SHBG: variants seen among roughly 807,000 people sequenced by gnomAD.
SHBG encodes the protein sex hormone-binding globulin.
SHBG carries 37 observed loss-of-function variants against 41.9 expected under a neutral mutation model. The ratio of observed to expected loss-of-function variants is 0.88; its 90% confidence interval spans 0.68 to 1.16. The LOEUF (loss-of-function observed/expected upper bound fraction) is 1.16. Among genes scored for constraint, SHBG ranks in the 50% most tolerant of loss-of-function variants. The probability of loss-of-function intolerance (pLI) is 0.00; values close to 1 mark genes in which losing one functional copy is unlikely to be tolerated. For missense variants in SHBG, 466 were observed against 499.9 expected, an observed-to-expected ratio of 0.93 and a Z score of 0.65; for synonymous variants, 217 against 205.8, an observed-to-expected ratio of 1.05 and a Z score of -0.47.
chr17:7,632,992 C>T lies in SHBG; in HGVS notation c.1060+33C>T, dbSNP rs761575211. 25 of 1,588,330 alleles carry T rather than the reference C, an allele frequency of 1.6e-5. No homozygotes were observed. The South Asian group carries it at 2.7e-4, about 17-fold the overall frequency. On this transcript the variant is annotated intron_variant, in intron 7 of 7. Transcript: ENST00000380450. Reference sequence around the variant, plus strand: ...AGAATGATGTTCAAGTTCATGAGCACAACATTGGAAACAGCTCAAGGGAGG... The same window carrying T: ...AGAATGATGTTCAAGTTCATGAGCATAACATTGGAAACAGCTCAAGGGAGG...
At chr17:7,628,943 C>G (rs2072311880), upstream of SHBG, among the ~76,000 whole-genome samples, 1 of 152,122 alleles carries the variant, frequency 6.6e-6, no homozygotes, top group Non-Finnish European at 1.5e-5. Context: ...TTACTCCCAG[C>G]TACTCGGGAG....
chr17:7,615,896 G>A lies in SHBG; in HGVS notation c.-62+1785G>A, dbSNP rs60398796. Among the ~76,000 whole-genome samples, 9 of 151,912 alleles carry A rather than the reference G, an allele frequency of 5.9e-5. No individual in the cohort carries two copies. The South Asian group carries it at 1.2e-3, about 21-fold the overall frequency. On this transcript the variant is annotated intron_variant, in intron 1 of 5. Coordinates refer to the SHBG transcript ENST00000570547. ...GCTTTAAGAATAGTTTCAGACGGGC[G>A]CTGTGGCTCACTCCTGTAATCCCAG...
chr17:7,632,026 A>G lies in SHBG; in HGVS notation c.852+11A>G. ...CACCTCCAAGATCAAGTAAAGGGGG[A>G]CAGTGGGGCATTGCCTGTATTCAGT... On this transcript the variant is annotated intron_variant, in intron 6 of 7. Coordinates refer to ENST00000380450, the MANE Select transcript of SHBG (RefSeq NM_001040.5). 1 of 1,612,424 alleles carries G rather than the reference A, an allele frequency of 6.2e-7. No homozygotes were observed. Among genetic ancestry groups the G allele is most frequent in the Non-Finnish European group, 8.5e-7 (1 of 1,179,838 alleles).
At chr17:7,620,697 C>A (rs1268423292) in intron 1 of SHBG, among the ~76,000 whole-genome samples, 1 of 151,616 alleles carries the variant, frequency 6.6e-6, no homozygotes, top group African/African-American at 2.4e-5. Flanking sequence ...ATGGTGCAAT[C>A]TCGGCTCTCT....
At chr17:7,629,375 C>CTAAAATAAAATAAAA (rs58676803), upstream of SHBG, among the ~76,000 whole-genome samples, 848 of 146,378 alleles carry the variant, frequency 5.8e-3, 5 homozygotes, top group Non-Finnish European at 8.5e-3. Context: ...AAGACTCTGT[C>CTAAAATAAAATAAAA]TAAAATAAAA....
chr17:7,618,210 A>C (rs1006668019), intron 1 of SHBG, among the ~76,000 whole-genome samples: 41 of 151,932 alleles, frequency 2.7e-4, no homozygotes, highest in Middle Eastern at 3.4e-3. Context: ...GTGACAGAGA[A>C]AGATTCTGTC....
chr17:7,630,652 C>A lies in SHBG; in HGVS notation c.204-28C>A. 1 of 1,602,720 alleles carries A rather than the reference C, an allele frequency of 6.2e-7. No individual in the cohort carries two copies. Among genetic ancestry groups the A allele is most frequent in the Non-Finnish European group, 8.5e-7 (1 of 1,170,306 alleles). On this transcript the variant is annotated intron_variant, in intron 2 of 7. Coordinates refer to ENST00000380450, the MANE Select transcript of SHBG (RefSeq NM_001040.5). The surrounding 1 kb of genome is among the most constrained non-coding windows in gnomAD (Gnocchi z 4.6). ...TGGTTCTCAAAGGACACATGACATA[C>A]ACAATCTTTCCTTCTGTGTCCTTCC...
intron 1 of SHBG, chr17:7,614,627 G>A (rs943385238): frequency 1.4e-6 from 1 of 698,084 alleles, no homozygotes; most frequent in Non-Finnish European, 2.0e-6. Context: ...CGGAGGAGGA[G>A]CCGGAGGGGG....
At chr17:7,629,057 AAAAT>A (rs1156675472), upstream of SHBG, among the ~76,000 whole-genome samples, 2 of 151,760 alleles carry the variant, frequency 1.3e-5, no homozygotes, top group Non-Finnish European at 1.5e-5. Flanking sequence ...ACTCCATCTC[AAAAT>A]AAATAAATAA....
At chr17:7,622,133 C>T (rs968834961) in intron 1 of SHBG, among the ~76,000 whole-genome samples, 1 of 151,842 alleles carries the variant, frequency 6.6e-6, no homozygotes, top group African/African-American at 2.4e-5. Flanking sequence ...GTGTGAGCCA[C>T]TACGCCCAGC....
At chr17:7,618,341 G>A (rs867308931) in intron 1 of SHBG, among the ~76,000 whole-genome samples, 26 of 151,366 alleles carry the variant, frequency 1.7e-4, no homozygotes, top group Admixed American at 3.9e-4. Context: ...GTATGATCTC[G>A]GCTCACTGCA....
intron 1 of SHBG, among the ~76,000 whole-genome samples, chr17:7,621,681 T>G (rs1278327196): frequency 7.8e-6 from 1 of 128,102 alleles, no homozygotes; most frequent in Non-Finnish European, 1.7e-5. Context: ...AATAATAAAA[T>G]AAAGTACATA....
chr17:7,618,267 A>G (rs552956034), intron 1 of SHBG, among the ~76,000 whole-genome samples: 6 of 151,072 alleles, frequency 4.0e-5, no homozygotes, highest in African/African-American at 1.5e-4. Flanking sequence ...ACCTAGCCAC[A>G]CTCTCAATAT....
intron 1 of SHBG, chr17:7,614,543 C>G: frequency 6.9e-7 from 1 of 1,457,638 alleles, no homozygotes. Flanking sequence ...GGCGCCGCCA[C>G]CGCCTCCGAC....
upstream of SHBG, among the ~76,000 whole-genome samples, chr17:7,629,375 CTAAAATAAAATAAAA>C (rs58676803): frequency 1.9e-4 from 28 of 146,392 alleles, no homozygotes; most frequent in South Asian, 3.6e-3. Flanking sequence ...AAGACTCTGT[CTAAAATAAAATAAAA>C]TAAAATAAAA....
chr17:7,623,770 T>C (rs1025909274), upstream of SHBG, among the ~76,000 whole-genome samples: 3 of 152,178 alleles, frequency 2.0e-5, no homozygotes, highest in Admixed American at 1.3e-4. Context: ...TATTATTTTT[T>C]TTTTGTTTTG....
At chr17:7,614,187 G>C in intron 1 of SHBG, 1 of 664,530 alleles carries the variant, frequency 1.5e-6, no homozygotes, top group Non-Finnish European at 2.8e-6. Context: ...AGCGGGGAGC[G>C]CCAAGCCAGG....
intron 1 of SHBG, among the ~76,000 whole-genome samples, chr17:7,617,518 G>T (rs537087430): frequency 6.6e-6 from 1 of 151,992 alleles, no homozygotes; most frequent in Non-Finnish European, 1.5e-5. Context: ...CAGGAGAATC[G>T]CTTGCACCCA....
At position 7,630,283 on chromosome 17, in the gene SHBG, G is replaced by A; in HGVS notation, c.111G>A (p.Gln37=). 6.2e-7 allele frequency: 1 copy of A among 1,608,508 alleles called. No homozygotes were observed. The highest frequency in any genetic ancestry group is 8.5e-7 in the Non-Finnish European group (1 of 1,177,190). ...GWALRPVLPT[Q]SAHDPPAVHL... ...CCCTGAGACCTGTTCTCCCCACCCAGGTGCAGGAGCGGGACAGGGCACTCA... is the reference window on the plus strand; with the variant it reads ...CCCTGAGACCTGTTCTCCCCACCCAAGTGCAGGAGCGGGACAGGGCACTCA... The change falls in exon 1 of 8, where the codon CAG becomes CAA. Residue 37 remains glutamine, a splice_region_variant and synonymous_variant. Transcript: ENST00000380450. The surrounding 1 kb of genome is among the most constrained non-coding windows in gnomAD (Gnocchi z 4.6).
Sources: allele counts gnomAD v4.1 joint callset (sites outside exome capture counted in the v4.1 genomes callset), GRCh38; gene constraint gnomAD v4.1.1; non-coding constraint Gnocchi (gnomAD v3.1); transcripts MANE v1.5; gene names NCBI Gene and HGNC (gene_info 2026-07-23, HGNC 2026-07-21).